Variants in AP2A2 observed in about 807,000 individuals in gnomAD.
The protein encoded by AP2A2 is AP-2 complex subunit alpha-2.
A neutral mutation model predicts 104.2 loss-of-function variants in AP2A2; 32 were observed. The observed-to-expected ratio is 0.31, with a 90% CI of 0.23 to 0.41. The LOEUF is 0.41. Among genes scored for constraint, AP2A2 ranks in the 10% least tolerant of loss-of-function variants. AP2A2 has a pLI of 1.00. For synonymous variants in AP2A2, 539 were observed against 533.3 expected, an observed-to-expected ratio of 1.01 and a Z score of -0.15; for missense variants, 912 against 1,261.0, an observed-to-expected ratio of 0.72 and a Z score of 4.19.
rs536440223 is a variant in AP2A2 at position 1,010,938 on chromosome 11, C to T, written c.*313C>T. 15 of 715,656 alleles carry T rather than the reference C, an allele frequency of 2.1e-5. No individual in the cohort carries two copies. Among genetic ancestry groups the T allele is most frequent in the African/African-American group, 3.4e-5 (2 of 57,974 alleles). 44.3% of individuals were successfully genotyped at this position (715,656 alleles called of 1,614,324 possible). A position where few individuals can be genotyped will look rare whatever the true frequency, so the allele number is the denominator to read the frequency against. On this transcript the variant is annotated 3_prime_UTR_variant, in exon 22 of 22. Transcript: ENST00000448903. The stretch of plus-strand genomic sequence containing the variant: ...AAATTAGAAGTTGGCGTGAACGTGG[C>T]GTTTGTGGGAGTGTCACTGAGATGG...
chr11:1,007,826 C>A, intron 17 of AP2A2, 186 bp from the exon 18 acceptor site: 1 of 725,814 alleles, frequency 1.4e-6, no homozygotes, highest in Non-Finnish European at 2.3e-6. Flanking sequence ...GAGAAGCAGA[C>A]AGTGTTTTGA....
chr11:1,010,568 C>T lies in AP2A2; in HGVS notation c.2763C>T (p.Arg921=). The T allele has an allele frequency of 6.3e-7, 1 of 1,596,104 alleles. No individual in the cohort carries two copies. Among genetic ancestry groups the T allele is most frequent in the Non-Finnish European group, 8.5e-7 (1 of 1,171,580 alleles). ...LQAQMYRLTL[R]TSKEAVSQRL... Reference sequence around the variant, plus strand: ...TTCAGATGTACCGGCTCACGCTGCGCACAAGTAAGGAAGCCGTTTCTCAGA... The same window carrying T: ...TTCAGATGTACCGGCTCACGCTGCGTACAAGTAAGGAAGCCGTTTCTCAGA... Residue 921 remains arginine (R), a synonymous_variant, in exon 22 of 22, where the codon CGC becomes CGT. Transcript: ENST00000448903.
rs546550651 is a variant in AP2A2, at chr11:1,009,183, A to C, written c.2504A>C (p.Gln835Pro). 6.2e-7 allele frequency: 1 copy of C among 1,613,766 alleles called. No individual in the cohort carries two copies. The highest frequency in any genetic ancestry group is 1.7e-5 in the Admixed American group (1 of 60,018). Residue 835 changes from glutamine (Q) to proline (P), a missense_variant, in exon 19 of 22, where the codon CAG becomes CCG. Gln to Pro is a moderately conservative substitution (Grantham distance 76). Transcript: ENST00000448903. ...TTCCAGCCGACAGAAATGGCTTCTC[A>C]GGATTTCTTTCAACGTTGGAAGCAG... ...KFFQPTEMAS[Q>P]DFFQRWKQLS...
chr11:989,023 C>T (rs1342181996), intron 10 of AP2A2, among the ~76,000 whole-genome samples: 6 of 151,968 alleles, frequency 3.9e-5, no homozygotes, highest in Non-Finnish European at 5.9e-5. Context: ...TTGGTAGAGT[C>T]GTTTGGTCTT....
intron 1 of AP2A2, among the ~76,000 whole-genome samples, chr11:943,586 G>A (rs1356614487): frequency 2.6e-5 from 4 of 152,226 alleles, no homozygotes; most frequent in Non-Finnish European, 5.9e-5. Flanking sequence ...CTTAATGCCA[G>A]CTTCTCTGTG....
chr11:985,477 T>TCCTGAACA lies in AP2A2; in HGVS notation c.858_865dup (p.Lys289ThrfsTer2), dbSNP rs1163381611. 6.2e-7 allele frequency: 1 copy of TCCTGAACA among 1,613,892 alleles called. No homozygotes were observed. ...CGCCTGACTGAGTGCCTGGAGACCA[T>TCCTGAACA]CCTGAACAAAGCCCAAGAACCGCCC... is the stretch of plus-strand genomic sequence containing the variant. On this transcript the variant is annotated frameshift_variant, in exon 8 of 22. Coordinates refer to ENST00000448903, the MANE Select transcript of AP2A2 (RefSeq NM_012305.4). LOFTEE classifies it high-confidence loss of function.
At chr11:991,072 A>G (rs546442674) in intron 10 of AP2A2, among the ~76,000 whole-genome samples, 2 of 145,624 alleles carry the variant, frequency 1.4e-5, no homozygotes, top group South Asian at 4.4e-4. Flanking sequence ...TCAGCCGGGT[A>G]TGGTGCTCCC....
In AP2A2 at chr11:969,219, C is replaced by CTTTTTTTTTTTTTTTTTTT. The variant is rs1564799363; in HGVS notation, c.137-950_137-949insTTTTTTTTTTTTTTTTTTT. ...GAAACTCCTGGCAATGTAGAACAGC[C>CTTTTTTTTTTTTTTTTTTT]CTTTTTTTTTTTTTTTTTTTTTTTT... On this transcript the variant is annotated intron_variant, in intron 2 of 21. Coordinates refer to ENST00000448903, the MANE Select transcript of AP2A2 (RefSeq NM_012305.4). 8.0e-5 allele frequency among the ~76,000 whole-genome samples: 9 copies of CTTTTTTTTTTTTTTTTTTT among 112,812 alleles called. 4 individuals carry two copies. Among genetic ancestry groups the CTTTTTTTTTTTTTTTTTTT allele is most frequent in the Non-Finnish European group, 7.4e-5 (4 of 54,346 alleles). The allele number at this position is 112,812 out of a possible 152,430, so 74.0% of individuals were successfully genotyped here.
At chr11:948,162 A>G (rs1853915308) in intron 1 of AP2A2, among the ~76,000 whole-genome samples, 1 of 152,244 alleles carries the variant, frequency 6.6e-6, no homozygotes, top group Non-Finnish European at 1.5e-5. Flanking sequence ...AGCAAAGATG[A>G]GAGCAAAGAT....
chr11:972,395 TC>T, intron 4 of AP2A2, 140 bp downstream of exon 4: 1 of 1,072,386 alleles, frequency 9.3e-7, no homozygotes, highest in Non-Finnish European at 1.3e-6. Flanking sequence ...TAAGGTGGGA[TC>T]CAGAATTACA....
At chr11:979,724 G>T (rs1374905333) in intron 5 of AP2A2, among the ~76,000 whole-genome samples, 1 of 152,092 alleles carries the variant, frequency 6.6e-6, no homozygotes, top group Admixed American at 6.6e-5. Context: ...GTGCCACCAC[G>T]CCTGGATAAT....
chr11:953,205 CCCAGTCTGGAGTG>C (rs1854109879), intron 1 of AP2A2, among the ~76,000 whole-genome samples: 1 of 152,196 alleles, frequency 6.6e-6, no homozygotes, highest in Non-Finnish European at 1.5e-5. Context: ...CACCCAGTCG[CCCAGTCTGGAGTG>C]CAGTGGTGTG....
chr11:945,226 G>T (rs1360834210), intron 1 of AP2A2, among the ~76,000 whole-genome samples: 1 of 152,152 alleles, frequency 6.6e-6, no homozygotes, highest in Non-Finnish European at 1.5e-5. Context: ...AGTGGGGCAC[G>T]GGAATGTGGC....
intron 5 of AP2A2, among the ~76,000 whole-genome samples, chr11:977,956 C>G (rs769535101): frequency 2.1e-4 from 32 of 152,256 alleles, no homozygotes; most frequent in Non-Finnish European, 4.4e-4. Context: ...GGCGGGGGAG[C>G]CTTTCAGACG....
In AP2A2 at chr11:925,894, GC is replaced by G; in HGVS notation, c.-127del. On this transcript the variant is annotated 5_prime_UTR_variant, in exon 1 of 22. Transcript: ENST00000448903. ...CAGAAAGCGGCGCTGGGACCCTGAG[GC>G]GGCCGTGGTTAGGCGGCTCCCCGGC... The G allele has an allele frequency of 1.6e-6, 1 of 627,836 alleles. No homozygotes were observed. The highest frequency in any genetic ancestry group is 2.3e-6 in the Non-Finnish European group (1 of 429,728). 38.9% of individuals were successfully genotyped at this position (627,836 alleles called of 1,614,324 possible).
chr11:940,900 C>T (rs1189519088), intron 1 of AP2A2: 4 of 456,054 alleles, frequency 8.8e-6, no homozygotes, highest in African/African-American at 8.0e-5. Flanking sequence ...GCTTGGTGAG[C>T]AGGTGGGTGT....
chr11:1,008,229 G>A lies in AP2A2; in HGVS notation c.2420+94G>A, dbSNP rs895839640. Reference sequence around the variant, plus strand: ...GACTGTGCCTCCGTGTCCTTCCTGAGGGGACCCGGGGCGTGCGGGTGCTCA... The same window carrying A: ...GACTGTGCCTCCGTGTCCTTCCTGAAGGGACCCGGGGCGTGCGGGTGCTCA... On this transcript the variant is annotated intron_variant, in intron 18 of 21. Coordinates refer to ENST00000448903, the MANE Select transcript of AP2A2 (RefSeq NM_012305.4). 144 of 1,453,168 alleles carry A rather than the reference G, an allele frequency of 9.9e-5. 3 individuals are homozygous for A. Among genetic ancestry groups the A allele is most frequent in the Middle Eastern group, 6.9e-4 (3 of 4,350 alleles). The allele number at this position is 1,453,168 out of a possible 1,614,324, so 90.0% of individuals were successfully genotyped here.
intron 2 of AP2A2, among the ~76,000 whole-genome samples, chr11:960,609 C>G (rs1010127988): frequency 4.0e-5 from 6 of 151,518 alleles, no homozygotes; most frequent in African/African-American, 1.2e-4. Context: ...AACTCCCGAC[C>G]TCAAGTGATC....
chr11:984,631 G>C lies in AP2A2; in HGVS notation c.706-14G>C. On this transcript the variant is annotated splice_polypyrimidine_tract_variant and intron_variant, in intron 6 of 21. Transcript: ENST00000448903. ...TGTCCGGCAGCGTGTCTCATTGCCT[G>C]TGCTGTCTTACAGATCGTGACGTCT... 6.3e-7 allele frequency: 1 copy of C among 1,595,684 alleles called. No individual in the cohort carries two copies. Among genetic ancestry groups the C allele is most frequent in the South Asian group, 1.1e-5 (1 of 90,708 alleles).
Sources: allele counts gnomAD v4.1 joint callset (sites outside exome capture counted in the v4.1 genomes callset), GRCh38; gene constraint gnomAD v4.1.1; transcripts MANE v1.5; gene names NCBI Gene and HGNC (gene_info 2026-07-23, HGNC 2026-07-21).